Variants in ATAD3B observed in about 807,000 individuals in gnomAD.
The protein encoded by ATAD3B is ATPase family AAA domain-containing protein 3B.
In ATAD3B, 59 loss-of-function variants were observed where a neutral mutation model predicts 70.2. The observed-to-expected ratio is 0.84, with a 90% CI of 0.68 to 1.04. The LOEUF (loss-of-function observed/expected upper bound fraction) is 1.04, where lower values mean the gene tolerates loss of function less well. ATAD3B is among the 50% of genes least tolerant of loss of function. The pLI is 0.00. For synonymous variants in ATAD3B, 423 were observed against 388.6 expected (o/e 1.09, Z -1.04); for missense variants, 961 against 913.4 (o/e 1.05, Z -0.67).
chr1:1,489,484 A>C, intron 13 of ATAD3B: 3 of 1,052,434 alleles, frequency 2.9e-6, no homozygotes, highest in Non-Finnish European at 4.1e-6. Flanking sequence ...AGCTGGGGTC[A>C]GTCCTGTCTT....
intron 1 of ATAD3B, among the ~76,000 whole-genome samples, chr1:1,476,550 C>T (rs1639598872): frequency 2.0e-5 from 3 of 151,764 alleles, no homozygotes; most frequent in Admixed American, 2.0e-4. Context: ...TTGCTGTCTC[C>T]CCCGCTGGAG....
chr1:1,499,127 A>T (rs1046952745), downstream of ATAD3B, among the ~76,000 whole-genome samples: 4 of 151,738 alleles, frequency 2.6e-5, no homozygotes, highest in African/African-American at 9.7e-5. Context: ...GCCCGCCACC[A>T]CGCCCAGCTA....
chr1:1,489,275 G>C lies in ATAD3B; in HGVS notation c.1337+1G>C. ...ACCACATGGGCCAACACAGCAACAA[G>C]TGAGGGAGCCCCTCGGGTCCTGAGC... On this transcript the variant is annotated splice_donor_variant, in intron 13 of 15. Transcript: ENST00000673477. LOFTEE classifies it high-confidence loss of function. 1 of 1,613,520 alleles carries C rather than the reference G, an allele frequency of 6.2e-7. No individual in the cohort carries two copies. The highest frequency in any genetic ancestry group is 1.3e-5 in the African/African-American group (1 of 75,064).
At chr1:1,473,802 T>C (rs571557468) in intron 1 of ATAD3B, among the ~76,000 whole-genome samples, 2 of 151,994 alleles carry the variant, frequency 1.3e-5, no homozygotes, top group African/African-American at 2.4e-5. Flanking sequence ...CCAGCAGGGG[T>C]TCCTTTTTAG....
chr1:1,480,325 G>A (rs773860914), intron 4 of ATAD3B, among the ~76,000 whole-genome samples: 3 of 145,758 alleles, frequency 2.1e-5, no homozygotes, highest in African/African-American at 5.2e-5. Context: ...CTCCAGGCAC[G>A]ACAAGCCTCC....
chr1:1,488,153 C>T (rs1640336754), intron 12 of ATAD3B, among the ~76,000 whole-genome samples: 1 of 152,022 alleles, frequency 6.6e-6, no homozygotes, highest in South Asian at 2.1e-4. Context: ...GATGGGGTTT[C>T]ACCATGTTGG....
chr1:1,479,270 G>T (rs1639766176), intron 4 of ATAD3B, among the ~76,000 whole-genome samples, 162 bp downstream of exon 4: 1 of 147,514 alleles, frequency 6.8e-6, no homozygotes, highest in African/African-American at 2.5e-5. Flanking sequence ...ACCAGCACAC[G>T]TGTACAGGCA....
chr1:1,501,521 C>T (rs568395391), downstream of ATAD3B, among the ~76,000 whole-genome samples: 2 of 152,258 alleles, frequency 1.3e-5, no homozygotes, highest in South Asian at 2.1e-4. Context: ...TCCCAAAGTG[C>T]TGGAATTACA....
intron 15 of ATAD3B, among the ~76,000 whole-genome samples, chr1:1,491,398 G>A (rs1465586565): frequency 6.6e-6 from 1 of 151,968 alleles, no homozygotes; most frequent in East Asian, 1.9e-4. Flanking sequence ...GAGTTTGGTG[G>A]TGCATGCCTG....
At chr1:1,507,509 G>A in the ATAD3B span, among the ~76,000 whole-genome samples, 247 of 152,264 alleles carry the variant, frequency 1.6e-3, 2 homozygotes, top group African/African-American at 5.6e-3. Context: ...CATGATTTTC[G>A]TATGAACTAT....
intron 1 of ATAD3B, among the ~76,000 whole-genome samples, chr1:1,476,319 C>T (rs941022318): frequency 2.0e-5 from 3 of 148,630 alleles, no homozygotes; most frequent in South Asian, 4.3e-4. Flanking sequence ...CTTCCCCCTG[C>T]GTCAGTCACC....
At chr1:1,500,427 C>T (rs145549335), downstream of ATAD3B, among the ~76,000 whole-genome samples, 6,019 of 147,894 alleles carry the variant, frequency 0.041, 379 homozygotes, top group African/African-American at 0.14. Context: ...TGGCGGGCAC[C>T]TGTAGTCCCA....
chr1:1,485,691 T>A, intron 8 of ATAD3B, 91 bp from the exon 9 acceptor site: 1 of 1,565,926 alleles, frequency 6.4e-7, no homozygotes, highest in Non-Finnish European at 8.7e-7. Context: ...GCAGCTCCGT[T>A]TCTGTGTGTT....
At chr1:1,499,279 C>CTTTT (rs752359726), downstream of ATAD3B, among the ~76,000 whole-genome samples, 2 of 113,836 alleles carry the variant, frequency 1.8e-5, no homozygotes, top group Non-Finnish European at 3.6e-5. Flanking sequence ...CCTGGAATAC[C>CTTTT]TTTTTTTTTT....
In ATAD3B at chr1:1,486,589, G is replaced by A. The variant is rs1490514366; in HGVS notation, c.1135G>A (p.Gly379Arg). The change falls in exon 11 of 16, where the codon GGG becomes AGG. Residue 379 changes from glycine to arginine, a missense_variant. By Grantham distance (125) the Gly-to-Arg change is moderately radical. Coordinates refer to ENST00000673477, the MANE Select transcript of ATAD3B (RefSeq NM_031921.6). Reference protein sequence around the residue: ...SGMDYAIMTGGDVAPMGREGV... With the variant: ...SGMDYAIMTGRDVAPMGREGV... ...CATGGACTACGCCATCATGACAGGC[G>A]GGGACGTGGCCCCCATGGGGCGGGA... 5 of 1,611,654 alleles carry A rather than the reference G, an allele frequency of 3.1e-6. No homozygotes were observed. Among genetic ancestry groups the A allele is most frequent in the East Asian group, 2.2e-5 (1 of 44,846 alleles).
At chr1:1,504,330 C>T in the ATAD3B span, among the ~76,000 whole-genome samples, 2 of 151,918 alleles carry the variant, frequency 1.3e-5, no homozygotes, top group Non-Finnish European at 2.9e-5. Flanking sequence ...CACATGTTGC[C>T]TGTTGTGGGC....
intron 7 of ATAD3B, chr1:1,484,753 C>CAG (rs1640109755): frequency 1.0e-6 from 1 of 970,636 alleles, no homozygotes; most frequent in Middle Eastern, 3.4e-4. Context: ...GGGCCCCGCT[C>CAG]AGCGACCGAG....
chr1:1,480,816 G>T, intron 4 of ATAD3B, 51 bp from the exon 5 acceptor site: 1 of 1,593,398 alleles, frequency 6.3e-7, no homozygotes, highest in Non-Finnish European at 8.5e-7. Flanking sequence ...TTGGTGTTGA[G>T]CATTTTTCTG....
At chr1:1,474,886 C>T (rs564855402) in intron 1 of ATAD3B, among the ~76,000 whole-genome samples, 1 of 151,246 alleles carries the variant, frequency 6.6e-6, no homozygotes, top group Admixed American at 6.6e-5. Flanking sequence ...ATGTTGGTGA[C>T]TGACTTTCTT....
Sources: allele counts gnomAD v4.1 joint callset (sites outside exome capture counted in the v4.1 genomes callset), GRCh38; gene constraint gnomAD v4.1.1; transcripts MANE v1.5; gene names NCBI Gene and HGNC (gene_info 2026-07-23, HGNC 2026-07-21).